ZNF285: variants seen among roughly 807,000 people sequenced by gnomAD.
ZNF285 encodes the protein zinc finger protein 285A.
In ZNF285, 4 loss-of-function variants were observed where a neutral mutation model predicts 6.2. That is an observed-to-expected ratio of 0.65 (90% CI 0.32 to 1.49). ZNF285 has a LOEUF of 1.49. Among genes scored for constraint, ZNF285 ranks in the 40% most tolerant of loss-of-function variants. ZNF285 has a pLI of 0.07. For missense variants in ZNF285, 695 were observed against 708.8 expected (o/e 0.98, Z 0.22); for synonymous variants, 240 against 245.8 (o/e 0.98, Z 0.22).
In ZNF285 at chr19:44,384,180, G is replaced by A. The variant is rs1971038056; in HGVS notation, c.*2292C>T. 6.6e-6 allele frequency: 1 copy of A among 152,216 alleles called. No individual in the cohort carries two copies. The allele number at this position is 152,216 out of a possible 1,614,324, so 9.4% of individuals were successfully genotyped here. ...TCTAGATCATTGTTGATGGAGCCAT[G>A]TTATTCCATTATATGGGATGCCCTA... On this transcript the variant is annotated 3_prime_UTR_variant, in exon 4 of 4. Transcript: ENST00000614994.
rs1971059014 is a variant in ZNF285 at position 44,385,787 on chromosome 19, T to G, written c.*685A>C. ...GGATAGAGAAGCCTGAGGATGTTTGTAAAGGCTAGACCTGAAAGTGGCTTA... is the reference window on the plus strand; with the variant it reads ...GGATAGAGAAGCCTGAGGATGTTTGGAAAGGCTAGACCTGAAAGTGGCTTA... On this transcript the variant is annotated 3_prime_UTR_variant, in exon 4 of 4. Coordinates refer to ENST00000614994, the MANE Select transcript of ZNF285 (RefSeq NM_152354.6). The G allele has an allele frequency of 6.6e-6, 1 of 152,272 alleles. No individual in the cohort carries two copies. Among genetic ancestry groups the G allele is most frequent in the Admixed American group, 6.5e-5 (1 of 15,286 alleles). The allele number at this position is 152,272 out of a possible 1,614,324, so 9.4% of individuals were successfully genotyped here. A position where few individuals can be genotyped will look rare whatever the true frequency, so the allele number is the denominator to read the frequency against.
intron 2 of ZNF285, among the ~76,000 whole-genome samples, chr19:44,392,861 T>C (rs1971220789): frequency 6.6e-6 from 1 of 152,182 alleles, no homozygotes; most frequent in South Asian, 2.1e-4. Flanking sequence ...ACAAGTCTAG[T>C]AGCATTTCAT....
chr19:44,393,818 T>C (rs1208179964), intron 2 of ZNF285, among the ~76,000 whole-genome samples: 2 of 152,100 alleles, frequency 1.3e-5, no homozygotes, highest in Non-Finnish European at 2.9e-5. Flanking sequence ...GGTGGGACTG[T>C]AAACTAGTTC....
chr19:44,398,659 G>A (rs1043465796), intron 1 of ZNF285, among the ~76,000 whole-genome samples: 1 of 152,080 alleles, frequency 6.6e-6, no homozygotes, highest in African/African-American at 2.4e-5. Context: ...CAACTTTATA[G>A]ATTGTCCCTT....
chr19:44,397,395 C>T (rs1971299991), intron 1 of ZNF285, 139 bp from the exon 2 acceptor site: 8 of 950,442 alleles, frequency 8.4e-6, no homozygotes, highest in African/African-American at 1.7e-5. Flanking sequence ...ACAGACTGAA[C>T]TCCCACCTCC....
intron 1 of ZNF285, 45 bp from the exon 2 acceptor site, chr19:44,397,301 G>C (rs773600421): frequency 6.2e-7 from 1 of 1,604,084 alleles, no homozygotes; most frequent in Non-Finnish European, 8.5e-7. Flanking sequence ...TCAACAAGTT[G>C]TGAATGAACA....
chr19:44,386,703 A>C lies in ZNF285; in HGVS notation c.1542T>G (p.Cys514Trp). Residue 514 changes from cysteine (C) to tryptophan (W), a missense_variant, in exon 4 of 4, where the codon TGT becomes TGG. By Grantham distance (215) the Cys-to-Trp change is radical. Coordinates refer to ENST00000614994, the MANE Select transcript of ZNF285 (RefSeq NM_152354.6). ...RDHIREKPYKCDECGKGFSRN... is the reference protein window; with the variant it reads ...RDHIREKPYKWDECGKGFSRN... ...GGCTGAAGCCTTTACCACACTCATC[A>C]CATTTATATGGTTTCTCTCTGATGT... The C allele has an allele frequency of 6.2e-7, 1 of 1,614,160 alleles. No individual in the cohort carries two copies. Among genetic ancestry groups the C allele is most frequent in the East Asian group, 2.2e-5 (1 of 44,888 alleles).
rs867923006 is a variant in ZNF285, at chr19:44,383,254, C to T, written c.*3218G>A. On this transcript the variant is annotated 3_prime_UTR_variant, in exon 4 of 4. Coordinates refer to ENST00000614994, the MANE Select transcript of ZNF285 (RefSeq NM_152354.6). ...TTTCCTTCCAATGATTATGTCTCAA[C>T]ATTTTTTATTTTGTCTTAATCTCAC... is the stretch of plus-strand genomic sequence containing the variant. 4.6e-5 allele frequency: 7 copies of T among 152,172 alleles called. No individual in the cohort carries two copies. Among genetic ancestry groups the T allele is most frequent in the Admixed American group, 3.3e-4 (5 of 15,280 alleles). The allele number at this position is 152,172 out of a possible 1,614,324, so 9.4% of individuals were successfully genotyped here. A position where few individuals can be genotyped will look rare whatever the true frequency, so the allele number is the denominator to read the frequency against.
At chr19:44,398,648 A>G (rs1164805121) in intron 1 of ZNF285, among the ~76,000 whole-genome samples, 1 of 152,156 alleles carries the variant, frequency 6.6e-6, no homozygotes, top group Non-Finnish European at 1.5e-5. Context: ...CAGCCTGCCT[A>G]CAACTTTATA....
chr19:44,401,554 C>G lies in ZNF285; in HGVS notation c.-44+14G>C, dbSNP rs1252469519. ...CTACGCCTCCAAGAGGGGCGCGGTA[C>G]AGACGGGACTCACCCCAGCGTCCCA... On this transcript the variant is annotated intron_variant, in intron 1 of 3. Coordinates refer to ENST00000614994, the MANE Select transcript of ZNF285 (RefSeq NM_152354.6). 1 of 152,364 alleles carries G rather than the reference C, an allele frequency of 6.6e-6. No homozygotes were observed. The highest frequency in any genetic ancestry group is 2.4e-5 in the African/African-American group (1 of 41,434). The allele number at this position is 152,364 out of a possible 1,614,324, so 9.4% of individuals were successfully genotyped here. A position where few individuals can be genotyped will look rare whatever the true frequency, so the allele number is the denominator to read the frequency against.
intron 1 of ZNF285, among the ~76,000 whole-genome samples, chr19:44,400,530 C>T (rs1971357610): frequency 6.6e-6 from 1 of 152,140 alleles, no homozygotes; most frequent in Admixed American, 6.5e-5. Flanking sequence ...CCCTGGCTCA[C>T]AGCATGTGAG....
chr19:44,383,598 G>A lies in ZNF285; in HGVS notation c.*2874C>T, dbSNP rs764651480. The A allele has an allele frequency of 5.3e-5, 8 of 152,008 alleles. No homozygotes were observed. Among genetic ancestry groups the A allele is most frequent in the Non-Finnish European group, 1.2e-4 (8 of 67,962 alleles). 9.4% of individuals were successfully genotyped at this position (152,008 alleles called of 1,614,324 possible). A position where few individuals can be genotyped will look rare whatever the true frequency, so the allele number is the denominator to read the frequency against. ...CAGAACTGCCCAGCTAAGCCCAGTT[G>A]AACTTGCCAGCTCACACATCATGAG... On this transcript the variant is annotated 3_prime_UTR_variant, in exon 4 of 4. Transcript: ENST00000614994.
chr19:44,397,312 T>C (rs1971298193), intron 1 of ZNF285, 56 bp from the exon 2 acceptor site: 19 of 1,573,040 alleles, frequency 1.2e-5, no homozygotes, highest in Non-Finnish European at 1.6e-5. Context: ...TGAATGAACA[T>C]TGGTTCCTTC....
Position 44,385,048 on chromosome 19 carries a change from A to T in ZNF285, c.*1424T>A, listed in dbSNP as rs1971048252. ...AGCAAAGAGATCTCCTCTCGAATTC[A>T]TCTATTATCCCCAATTAAATGACAA... On this transcript the variant is annotated 3_prime_UTR_variant, in exon 4 of 4. Coordinates refer to ENST00000614994, the MANE Select transcript of ZNF285 (RefSeq NM_152354.6). 6.6e-6 allele frequency: 1 copy of T among 150,616 alleles called. No homozygotes were observed. Among genetic ancestry groups the T allele is most frequent in the Non-Finnish European group, 1.5e-5 (1 of 67,866 alleles). 9.3% of individuals were successfully genotyped at this position (150,616 alleles called of 1,614,324 possible).
intron 3 of ZNF285, among the ~76,000 whole-genome samples, chr19:44,389,517 A>C (rs1208347645): frequency 6.6e-6 from 1 of 152,220 alleles, no homozygotes; most frequent in African/African-American, 2.4e-5. Flanking sequence ...CACGAACATC[A>C]ACAGAGACTG....
At chr19:44,390,766 G>A (rs1395865144) in intron 3 of ZNF285, among the ~76,000 whole-genome samples, 2 of 151,854 alleles carry the variant, frequency 1.3e-5, no homozygotes, top group Non-Finnish European at 2.9e-5. Flanking sequence ...TGTCATGAGA[G>A]GAACCTGGTA....
chr19:44,388,155 A>T, intron 3 of ZNF285, 53 bp from the exon 4 acceptor site: 4 of 1,528,138 alleles, frequency 2.6e-6, no homozygotes, highest in Non-Finnish European at 3.5e-6. Flanking sequence ...ATCCATCCAG[A>T]GGTTTTGAGA....
rs369315997 is a variant in ZNF285, at chr19:44,386,537, G to A, written c.1708C>T (p.His570Tyr). 2.9e-5 allele frequency: 47 copies of A among 1,613,928 alleles called. No homozygotes were observed. Among genetic ancestry groups the A allele is most frequent in the Non-Finnish European group, 3.7e-5 (44 of 1,179,940 alleles). Residue 570 changes from histidine (H) to tyrosine (Y), a missense_variant, in exon 4 of 4, where the codon CAC becomes TAC. Physicochemically the swap from His to Tyr is moderately conservative, Grantham distance 83 (BLOSUM62 2). Transcript: ENST00000614994. ...RVHIDETQYT[H>Y]CERGKDLLTH... ...AGAAGGTCCTTTCCACGCTCACAGT[G>A]TGTGTACTGTGTCTCATCTATATGC...
chr19:44,391,062 G>A (rs1423371789), intron 3 of ZNF285, among the ~76,000 whole-genome samples: 1 of 151,610 alleles, frequency 6.6e-6, no homozygotes, highest in Non-Finnish European at 1.5e-5. Flanking sequence ...GCTGAGGCAG[G>A]AGAATTGCTT....
Sources: allele counts gnomAD v4.1 joint callset (sites outside exome capture counted in the v4.1 genomes callset), GRCh38; gene constraint gnomAD v4.1.1; transcripts MANE v1.5; gene names NCBI Gene and HGNC (gene_info 2026-07-23, HGNC 2026-07-21).